LYN: variants seen among roughly 807,000 people sequenced by gnomAD.
The protein encoded by LYN is LYN proto-oncogene, Src family tyrosine kinase, also known as tyrosine-protein kinase Lyn.
LYN carries 12 observed loss-of-function variants against 65.0 expected under a neutral mutation model. The observed-to-expected ratio is 0.18, with a 90% CI of 0.12 to 0.30. LYN has a LOEUF of 0.30. Ranked by LOEUF, LYN falls within the 10% of genes least tolerant of loss-of-function variation. The pLI, the probability that LYN is intolerant of heterozygous loss-of-function variation, is 1.00. For missense variants in LYN, 380 were observed against 623.2 expected (o/e 0.61, Z 4.16); for synonymous variants, 222 against 221.2 (o/e 1.00, Z -0.03).
intron 10 of LYN, among the ~76,000 whole-genome samples, chr8:55,987,045 T>A (rs1397393429): frequency 6.6e-6 from 1 of 152,182 alleles, no homozygotes; most frequent in Admixed American, 6.6e-5. Flanking sequence ...ATTATCTGAC[T>A]TTCTTATTTC....
intron 12 of LYN, among the ~76,000 whole-genome samples, chr8:56,003,616 A>G (rs993950355): frequency 1.3e-5 from 2 of 151,900 alleles, no homozygotes; most frequent in African/African-American, 4.8e-5. Context: ...CAGAAGTTGC[A>G]GTGAGCCGAG....
chr8:55,918,083 C>T (rs1286362395), intron 1 of LYN, among the ~76,000 whole-genome samples: 5 of 152,186 alleles, frequency 3.3e-5, no homozygotes, highest in African/African-American at 7.2e-5. Flanking sequence ...GTGGTCTGGG[C>T]TGTGGTAGCG....
At chr8:55,926,131 T>C (rs1366188071) in intron 1 of LYN, among the ~76,000 whole-genome samples, 3 of 152,220 alleles carry the variant, frequency 2.0e-5, no homozygotes, top group Non-Finnish European at 4.4e-5. Context: ...CTACAAAGCT[T>C]TAACATAAAA....
chr8:55,917,143 A>T (rs1805799697), intron 1 of LYN, among the ~76,000 whole-genome samples: 1 of 151,772 alleles, frequency 6.6e-6, no homozygotes, highest in Admixed American at 6.6e-5. Flanking sequence ...ACTATTGCAC[A>T]TCAGCCTGGG....
At position 55,891,570 on chromosome 8, in the gene LYN, A is replaced by G. The variant is rs139068391; in HGVS notation, c.-6+11467A>G. On this transcript the variant is annotated intron_variant, in intron 1 of 12. Coordinates refer to ENST00000519728, the MANE Select transcript of LYN (RefSeq NM_002350.4). ...AATGGGAAGTTACTGCTTAATGGGT[A>G]CAGAGTTTCAGTTTTGCAAGATGAA... Among the ~76,000 whole-genome samples the G allele has an allele frequency of 3.2e-3, 483 of 152,254 alleles. 2 individuals are homozygous for G. The highest frequency in any genetic ancestry group is 0.011 in the African/African-American group (465 of 41,544).
At position 56,012,802 on chromosome 8, in the gene LYN, C is replaced by T. The variant is rs1298445917; in HGVS notation, c.*2692C>T. ...CTTGAGAGTCACCATTTGGTTTGACCCATATTACAAAGCCCAGCCTTCTTT... is the reference window on the plus strand; with the variant it reads ...CTTGAGAGTCACCATTTGGTTTGACTCATATTACAAAGCCCAGCCTTCTTT... On this transcript the variant is annotated 3_prime_UTR_variant, in exon 13 of 13. Coordinates refer to ENST00000519728, the MANE Select transcript of LYN (RefSeq NM_002350.4). The T allele has an allele frequency of 6.6e-6, 1 of 152,098 alleles. No individual in the cohort carries two copies. Among genetic ancestry groups the T allele is most frequent in the Non-Finnish European group, 1.5e-5 (1 of 68,018 alleles). 9.4% of individuals were successfully genotyped at this position (152,098 alleles called of 1,614,324 possible).
intron 9 of LYN, among the ~76,000 whole-genome samples, chr8:55,967,526 G>T (rs1807496727): frequency 6.6e-6 from 1 of 151,954 alleles, no homozygotes; most frequent in Non-Finnish European, 1.5e-5. Context: ...ATGTTGGCCA[G>T]GCTGGTCTCG....
intron 10 of LYN, among the ~76,000 whole-genome samples, chr8:55,984,213 A>G (rs1426005057): frequency 6.6e-6 from 1 of 152,118 alleles, no homozygotes; most frequent in Non-Finnish European, 1.5e-5. Flanking sequence ...ATAAGGCCAC[A>G]TTCTGAGGTT....
At chr8:55,957,907 C>T (rs770877082) in intron 8 of LYN, among the ~76,000 whole-genome samples, 14 of 152,156 alleles carry the variant, frequency 9.2e-5, no homozygotes, top group East Asian at 3.9e-4. Flanking sequence ...GAGATTGCGC[C>T]GCTGTCACCA....
intron 1 of LYN, among the ~76,000 whole-genome samples, chr8:55,920,188 G>T (rs1048518311): frequency 6.6e-6 from 1 of 152,130 alleles, no homozygotes; most frequent in Non-Finnish European, 1.5e-5. Context: ...CTGAAACCTG[G>T]ACCACTAGAA....
At chr8:55,929,297 A>G (rs1806195152) in intron 1 of LYN, among the ~76,000 whole-genome samples, 4 of 152,170 alleles carry the variant, frequency 2.6e-5, no homozygotes, top group Admixed American at 1.3e-4. Flanking sequence ...GAGATTAGTG[A>G]GACTAAGTGA....
rs908759570 is a variant in LYN at position 55,953,929 on chromosome 8, G to T, written c.735G>T (p.Glu245Asp). 6.2e-7 allele frequency: 1 copy of T among 1,614,184 alleles called. No homozygotes were observed. The highest frequency in any genetic ancestry group is 1.1e-5 in the South Asian group (1 of 91,074). The change falls in exon 8 of 13, where the codon GAG becomes GAT. Residue 245 changes from glutamate (E) to aspartate (D), a missense_variant. Physicochemically the swap from Glu to Asp is conservative, Grantham distance 45. This residue lies in a region of LYN where 223 missense variants were observed against 430.0 expected (regional missense o/e 0.52). Coordinates refer to ENST00000519728, the MANE Select transcript of LYN (RefSeq NM_002350.4). Reference protein sequence around the residue: ...WDKDAWEIPRESIKLVKRLGA... With the variant: ...WDKDAWEIPRDSIKLVKRLGA... ...AAGATGCCTGGGAGATCCCCCGGGA[G>T]TCCATCAAGTTGGTGAAAAGGCTTG... is the stretch of plus-strand genomic sequence containing the variant.
chr8:55,979,763 C>T (rs1001886399), intron 10 of LYN, among the ~76,000 whole-genome samples: 1 of 152,178 alleles, frequency 6.6e-6, no homozygotes, highest in African/African-American at 2.4e-5. Context: ...TGTCTGGGCT[C>T]CTTGGTATGG....
chr8:55,892,892 AC>A (rs962620768), intron 1 of LYN, among the ~76,000 whole-genome samples: 1 of 151,944 alleles, frequency 6.6e-6, no homozygotes, highest in South Asian at 2.1e-4. Flanking sequence ...TTGTGTAACC[AC>A]CCCCATGATC....
At chr8:55,983,380 GCGTTTTCCCT>G (rs1359043095) in intron 10 of LYN, among the ~76,000 whole-genome samples, 2 of 152,182 alleles carry the variant, frequency 1.3e-5, no homozygotes, top group Non-Finnish European at 2.9e-5. Flanking sequence ...TTCCGCATTA[GCGTTTTCCCT>G]CACTTCTGCA....
intron 9 of LYN, among the ~76,000 whole-genome samples, chr8:55,967,458 G>A (rs1807494669): frequency 6.6e-6 from 1 of 151,884 alleles, no homozygotes; most frequent in Middle Eastern, 3.4e-3. Context: ...GGGACTACAG[G>A]CACGTGCCAC....
rs961921689 is a variant in LYN at position 55,882,223 on chromosome 8, C to G, written c.-6+2120C>G. Among the ~76,000 whole-genome samples the G allele has an allele frequency of 7.2e-5, 11 of 152,310 alleles. No individual in the cohort carries two copies. The East Asian group carries it at 1.9e-3, about 27-fold the overall frequency. ...TAGTTGGCCCAATCCAGAAGACCTA[C>G]ATTATTTTAGAGTCATTGGTGTTAC... On this transcript the variant is annotated intron_variant, in intron 1 of 12. Coordinates refer to ENST00000519728, the MANE Select transcript of LYN (RefSeq NM_002350.4).
intron 1 of LYN, among the ~76,000 whole-genome samples, chr8:55,911,697 G>C (rs1365001780): frequency 2.0e-5 from 3 of 152,072 alleles, no homozygotes; most frequent in Non-Finnish European, 4.4e-5. Context: ...CACCTGCCCT[G>C]GAGACTGAGG....
chr8:55,906,346 GTTTTGT>G (rs1236793225), intron 1 of LYN, among the ~76,000 whole-genome samples: 1 of 151,818 alleles, frequency 6.6e-6, no homozygotes, highest in African/African-American at 2.4e-5. Context: ...GTTTTGTTTT[GTTTTGT>G]TTTGTTTTGT....
Sources: allele counts gnomAD v4.1 joint callset (sites outside exome capture counted in the v4.1 genomes callset), GRCh38; gene constraint gnomAD v4.1.1; regional missense constraint gnomAD v4.1.1; transcripts MANE v1.5; gene names NCBI Gene and HGNC (gene_info 2026-07-23, HGNC 2026-07-21).